Variants in RXRA observed in about 807,000 individuals in gnomAD.
The protein encoded by RXRA is retinoid X receptor alpha.
RXRA carries 5 observed loss-of-function variants against 44.5 expected under a neutral mutation model. The observed-to-expected ratio is 0.11, with a 90% CI of 0.06 to 0.24. RXRA has a LOEUF of 0.24. Among genes scored for constraint, RXRA ranks in the 10% least tolerant of loss-of-function variants. RXRA has a pLI of 1.00. For missense variants in RXRA, 412 were observed against 646.5 expected (o/e 0.64, Z 3.93); for synonymous variants, 291 against 271.4 (o/e 1.07, Z -0.71).
intron 1 of RXRA, among the ~76,000 whole-genome samples, chr9:134,360,768 A>T (rs1260501498): frequency 6.6e-6 from 1 of 152,106 alleles, no homozygotes; most frequent in Non-Finnish European, 1.5e-5. Flanking sequence ...CCCCCTTACA[A>T]TTCCTGGGAC....
chr9:134,379,932 C>G (rs1352334607), intron 1 of RXRA: 1 of 985,170 alleles, frequency 1.0e-6, no homozygotes, highest in Non-Finnish European at 1.2e-6. Flanking sequence ...GGGTCTGAGA[C>G]TCTGGCCTCC....
chr9:134,420,696 C>G (rs1007423179), intron 5 of RXRA, among the ~76,000 whole-genome samples: 3 of 152,264 alleles, frequency 2.0e-5, no homozygotes, highest in African/African-American at 7.2e-5. Context: ...GAATCCTATT[C>G]ACAGTCGTTA....
At chr9:134,406,063 C>T (rs1435575941) in intron 2 of RXRA, 2 of 152,216 alleles carry the variant, frequency 1.3e-5, no homozygotes, top group South Asian at 2.1e-4. Context: ...TGCTCTGAGC[C>T]CTGGCACATG....
rs34151834 is a variant in RXRA at position 134,433,462 on chromosome 9, G to A, written c.1136-640G>A. On this transcript the variant is annotated intron_variant, in intron 8 of 9. Transcript: ENST00000481739. This position sits in a 1 kb window ranked among gnomAD's most constrained non-coding sequence, Gnocchi z 4.2. ...GGAGGCAGCTGGGGGAGCCAGGTAC[G>A]TTGCCAAGGAGCCCAGGACACAGGC... Among the ~76,000 whole-genome samples, 3 of 148,026 alleles carry A rather than the reference G, an allele frequency of 2.0e-5. No individual in the cohort carries two copies. The highest frequency in any genetic ancestry group is 2.9e-5 in the Non-Finnish European group (2 of 67,910).
intron 6 of RXRA, chr9:134,422,346 C>G: frequency 7.8e-7 from 1 of 1,279,930 alleles, no homozygotes; most frequent in South Asian, 1.3e-5. Context: ...ACTACCCCCT[C>G]CCGGGACACA....
At chr9:134,397,417 G>A (rs1032211178) in intron 1 of RXRA, among the ~76,000 whole-genome samples, 4 of 152,174 alleles carry the variant, frequency 2.6e-5, no homozygotes, top group South Asian at 2.1e-4. Flanking sequence ...CTGGCATTCC[G>A]GGGCATTCAT....
At position 134,436,666 on chromosome 9, in the gene RXRA, G is replaced by A. The variant is rs1235372108; in HGVS notation, c.*52G>A. On this transcript the variant is annotated 3_prime_UTR_variant, in exon 10 of 10. Transcript: ENST00000481739. ...CCCGTTCTGGCCACCCTGCCTGGAC[G>A]CCAGCTGTTCTTCTCAGCCTGAGCC... The A allele has an allele frequency of 2.5e-6, 4 of 1,605,036 alleles. No individual in the cohort carries two copies. The highest frequency in any genetic ancestry group is 1.1e-5 in the South Asian group (1 of 90,346).
At chr9:134,385,237 C>T (rs1288329659) in intron 1 of RXRA, among the ~76,000 whole-genome samples, 1 of 152,200 alleles carries the variant, frequency 6.6e-6, no homozygotes, top group East Asian at 1.9e-4. Context: ...CACGTCCACA[C>T]CCCCACACTC....
At chr9:134,414,446 A>C (rs1831201094) in intron 4 of RXRA, among the ~76,000 whole-genome samples, 1 of 152,174 alleles carries the variant, frequency 6.6e-6, no homozygotes, top group Non-Finnish European at 1.5e-5. Flanking sequence ...TTCCTCTTGG[A>C]GCCATCCTGG....
Position 134,434,112 on chromosome 9 carries a change from G to C in RXRA, c.1146G>C (p.Gly382=). ...GCTTCTTCCTTTCAGACTCCAAGGG[G>C]CTCTCGAACCCGGCCGAGGTGGAGG... is the stretch of plus-strand genomic sequence containing the variant. ...AIVLFNPDSK[G]LSNPAEVEAL... Residue 382 remains glycine, a synonymous_variant, in exon 9 of 10, where the codon GGG becomes GGC. Coordinates refer to ENST00000481739, the MANE Select transcript of RXRA (RefSeq NM_002957.6). The C allele has an allele frequency of 6.2e-7, 1 of 1,613,448 alleles. No individual in the cohort carries two copies.
At chr9:134,348,187 A>G (rs1554749058) in intron 1 of RXRA, among the ~76,000 whole-genome samples, 1 of 152,142 alleles carries the variant, frequency 6.6e-6, no homozygotes, top group Non-Finnish European at 1.5e-5. Flanking sequence ...GAGGTCATGC[A>G]GGACCCCTGG....
chr9:134,436,911 C>A lies in RXRA; in HGVS notation c.*297C>A, dbSNP rs1035692834. 5.1e-6 allele frequency: 2 copies of A among 392,084 alleles called. No individual in the cohort carries two copies. The highest frequency in any genetic ancestry group is 9.3e-6 in the Non-Finnish European group (2 of 215,162). 24.3% of individuals were successfully genotyped at this position (392,084 alleles called of 1,614,324 possible). A position where few individuals can be genotyped will look rare whatever the true frequency, so the allele number is the denominator to read the frequency against. On this transcript the variant is annotated 3_prime_UTR_variant, in exon 10 of 10. Transcript: ENST00000481739. ...TCTCAGGACACCCTGCCACACCCCA[C>A]GGGGCTTGGGCGACTACAGGGTCTT...
chr9:134,372,404 G>A (rs1235360637), intron 1 of RXRA, among the ~76,000 whole-genome samples: 3 of 152,170 alleles, frequency 2.0e-5, no homozygotes, highest in East Asian at 1.9e-4. Context: ...AGTGGGGGCC[G>A]CAGGCGAGGG....
Position 134,436,697 on chromosome 9 carries a change from C to A in RXRA, c.*83C>A. The A allele has an allele frequency of 6.5e-7, 1 of 1,536,736 alleles. No homozygotes were observed. The highest frequency in any genetic ancestry group is 1.2e-5 in the South Asian group (1 of 85,348). On this transcript the variant is annotated 3_prime_UTR_variant, in exon 10 of 10. Transcript: ENST00000481739. Reference sequence around the variant, plus strand: ...TGTTCTTCTCAGCCTGAGCCCTGTCCCTGCCCTTCTCTGCCTGGCCTGTTT... The same window carrying A: ...TGTTCTTCTCAGCCTGAGCCCTGTCACTGCCCTTCTCTGCCTGGCCTGTTT...
chr9:134,397,897 G>T (rs1033704603), intron 1 of RXRA, among the ~76,000 whole-genome samples: 1 of 152,244 alleles, frequency 6.6e-6, no homozygotes, highest in Admixed American at 6.5e-5. Flanking sequence ...CTGTGGTTTG[G>T]GGGTGAACCT....
In RXRA at chr9:134,327,597, G is replaced by T. The variant is rs552620526; in HGVS notation, c.28+938G>T. 5.9e-5 allele frequency among the ~76,000 whole-genome samples: 9 copies of T among 152,290 alleles called. No homozygotes were observed. In the South Asian group the frequency reaches 1.0e-3, roughly 18 times the overall value. On this transcript the variant is annotated intron_variant, in intron 1 of 9. Coordinates refer to ENST00000481739, the MANE Select transcript of RXRA (RefSeq NM_002957.6). ...GAAGGATTTGTGCTGAATGGAAATC[G>T]AAACAGCTGATTATGAATGAAGCCC... is the stretch of plus-strand genomic sequence containing the variant.
Position 134,431,847 on chromosome 9 carries a change from G to C in RXRA, c.1044-58G>C, listed in dbSNP as rs1588310152. On this transcript the variant is annotated intron_variant, in intron 7 of 9. Coordinates refer to ENST00000481739, the MANE Select transcript of RXRA (RefSeq NM_002957.6). ...CAGAGGCCTTGGGTATCTGGGGTGT[G>C]GCCCTGGTGAGGGCTGCGACCTAAC... is the stretch of plus-strand genomic sequence containing the variant. 1.3e-5 allele frequency: 17 copies of C among 1,353,586 alleles called. No homozygotes were observed. In the East Asian group the frequency reaches 3.9e-4, roughly 31 times the overall value. 83.8% of individuals were successfully genotyped at this position (1,353,586 alleles called of 1,614,324 possible).
Position 134,367,751 on chromosome 9 carries a change from TG to T in RXRA, c.29-33875del, listed in dbSNP as rs1830432572. On this transcript the variant is annotated intron_variant, in intron 1 of 9. Coordinates refer to ENST00000481739, the MANE Select transcript of RXRA (RefSeq NM_002957.6). ...TTAGCACCTGCAGCTCCCCCTCGGG[TG>T]GGGGGTGCCGGGGTGTCTTGTGGCC... 1.3e-5 allele frequency among the ~76,000 whole-genome samples: 2 copies of T among 152,020 alleles called. 1 individual carries two copies. Among genetic ancestry groups the T allele is most frequent in the South Asian group, 4.1e-4 (2 of 4,828 alleles).
In RXRA at chr9:134,429,117, A is replaced by G. The variant is rs1387015151; in HGVS notation, c.920A>G (p.Glu307Gly). Residue 307 changes from glutamate (E) to glycine (G), a missense_variant, in exon 7 of 10, where the codon GAG becomes GGG. Transcript: ENST00000481739. Reference protein sequence around the residue: ...QVILLRAGWNELLIASFSHRS... With the variant: ...QVILLRAGWNGLLIASFSHRS... The stretch of plus-strand genomic sequence containing the variant: ...TGTGCCTCCTCCCCAGGCTGGAATG[A>G]GCTGCTCATCGCCTCCTTCTCCCAC... 6.2e-7 allele frequency: 1 copy of G among 1,612,936 alleles called. No individual in the cohort carries two copies. Among genetic ancestry groups the G allele is most frequent in the Non-Finnish European group, 8.5e-7 (1 of 1,179,956 alleles).
Sources: gnomAD v4.1 joint callset for allele counts (sites outside exome capture counted in the v4.1 genomes callset) on GRCh38, gnomAD v4.1.1 for gene constraint, Gnocchi (gnomAD v3.1) non-coding constraint, MANE v1.5 for transcripts, NCBI Gene and HGNC (gene_info 2026-07-23, HGNC 2026-07-21) for gene names.